ITFG1: variants seen among roughly 807,000 people sequenced by gnomAD.
The protein encoded by ITFG1 is integrin alpha FG-GAP repeat containing 1.
In ITFG1, 34 loss-of-function variants were observed where a neutral mutation model predicts 81.8. The observed-to-expected ratio is 0.42, with a 90% CI of 0.32 to 0.55. The LOEUF (loss-of-function observed/expected upper bound fraction) is 0.55, where lower values mean the gene tolerates loss of function less well. Ranked by LOEUF, ITFG1 falls within the 20% of genes least tolerant of loss-of-function variation. ITFG1 has a pLI of 0.17. For missense variants in ITFG1, 672 were observed against 755.4 expected (o/e 0.89, Z 1.29); for synonymous variants, 285 against 270.6 (o/e 1.05, Z -0.52).
intron 10 of ITFG1, among the ~76,000 whole-genome samples, chr16:47,275,985 T>C (rs1266860532): frequency 2.0e-5 from 3 of 152,092 alleles, no homozygotes; most frequent in African/African-American, 7.2e-5. Flanking sequence ...ATAAAAAGAA[T>C]GTATGGTCAT....
rs1967255323 is a variant in ITFG1, at chr16:47,311,265, C to T, written c.1045G>A (p.Val349Ile). The T allele has an allele frequency of 6.2e-7, 1 of 1,611,466 alleles. No homozygotes were observed. Among genetic ancestry groups the T allele is most frequent in the South Asian group, 1.1e-5 (1 of 90,682 alleles). Residue 349 changes from valine to isoleucine, a missense_variant, in exon 10 of 18, where the codon GTC (valine) becomes ATC (isoleucine). This residue lies in a region of ITFG1 where 560 missense variants were observed against 625.7 expected (regional missense o/e 0.90). Coordinates refer to ENST00000320640, the MANE Select transcript of ITFG1 (RefSeq NM_030790.5). ...CTTCCAGATGTGTTCTTTAGTATGA[C>T]CAGAGCGTCTGGATAGCCATCCATA... The part of the protein sequence containing the change: ...YNMDGYPDAL[V>I]ILKNTSGSNQ...
At chr16:47,352,000 A>C (rs1967965229) in intron 8 of ITFG1, among the ~76,000 whole-genome samples, 1 of 152,234 alleles carries the variant, frequency 6.6e-6, no homozygotes, top group Admixed American at 6.5e-5. Flanking sequence ...AAAACTGGCT[A>C]GCCATATGTA....
chr16:47,326,447 C>G (rs1967544905), intron 8 of ITFG1, among the ~76,000 whole-genome samples: 1 of 152,214 alleles, frequency 6.6e-6, no homozygotes, highest in South Asian at 2.1e-4. Flanking sequence ...CACTAATATT[C>G]AAAATAGTGT....
At chr16:47,315,988 G>T (rs533908320) in intron 8 of ITFG1, among the ~76,000 whole-genome samples, 2 of 151,810 alleles carry the variant, frequency 1.3e-5, no homozygotes, top group African/African-American at 2.4e-5. Context: ...TCCGAGTTTC[G>T]CCATGTTGTC....
chr16:47,388,780 C>T (rs187194429), intron 6 of ITFG1, among the ~76,000 whole-genome samples: 2 of 152,150 alleles, frequency 1.3e-5, no homozygotes, highest in East Asian at 3.9e-4. Context: ...AAGTGTGACC[C>T]CGTCTTACAC....
intron 14 of ITFG1, among the ~76,000 whole-genome samples, chr16:47,212,078 G>A (rs1018904622): frequency 2.7e-5 from 4 of 150,902 alleles, no homozygotes; most frequent in African/African-American, 9.7e-5. Context: ...CATGATTTTT[G>A]TATTTATATT....
chr16:47,327,388 G>A (rs2151571798), intron 8 of ITFG1, among the ~76,000 whole-genome samples: 1 of 152,188 alleles, frequency 6.6e-6, no homozygotes, highest in East Asian at 1.9e-4. Context: ...GAAAACCTAG[G>A]CAATACCATT....
intron 6 of ITFG1, among the ~76,000 whole-genome samples, chr16:47,421,549 C>T (rs747535269): frequency 9.9e-5 from 15 of 152,210 alleles, no homozygotes; most frequent in African/African-American, 1.7e-4. Flanking sequence ...ATGATCCGCC[C>T]GCCTTGGCCT....
At chr16:47,241,068 TAA>T (rs59986645) in intron 12 of ITFG1, among the ~76,000 whole-genome samples, 10 of 135,106 alleles carry the variant, frequency 7.4e-5, no homozygotes, top group African/African-American at 1.6e-4. Context: ...GTTAAGATGG[TAA>T]AAAAAAAAAA....
chr16:47,196,554 G>A (rs967018444), intron 14 of ITFG1: 3 of 152,180 alleles, frequency 2.0e-5, no homozygotes, highest in Non-Finnish European at 4.4e-5. Flanking sequence ...TGGGCCACAG[G>A]AAACCTGAAA....
At chr16:47,231,846 T>C (rs1476971010) in intron 13 of ITFG1, among the ~76,000 whole-genome samples, 1 of 152,214 alleles carries the variant, frequency 6.6e-6, no homozygotes, top group Non-Finnish European at 1.5e-5. Context: ...GCCTGCTGAA[T>C]ATACTGCCAA....
rs150954449 is a variant in ITFG1, at chr16:47,353,080, G to A, written c.802+12708C>T. 5.9e-5 allele frequency among the ~76,000 whole-genome samples: 9 copies of A among 151,952 alleles called. No homozygotes were observed. The East Asian group carries it at 1.6e-3, about 26-fold the overall frequency. ...GTTGTGGGGTAGGGTGAGGGGGGAGGGATAGCATTAGTAGATATACCTAAT... is the reference window on the plus strand; with the variant it reads ...GTTGTGGGGTAGGGTGAGGGGGGAGAGATAGCATTAGTAGATATACCTAAT... On this transcript the variant is annotated intron_variant, in intron 8 of 17. Coordinates refer to ENST00000320640, the MANE Select transcript of ITFG1 (RefSeq NM_030790.5).
intron 6 of ITFG1, among the ~76,000 whole-genome samples, chr16:47,389,964 C>T (rs1396311561): frequency 6.6e-6 from 1 of 152,184 alleles, no homozygotes; most frequent in African/African-American, 2.4e-5. Flanking sequence ...GTGAATTAAA[C>T]AAGTTCACCA....
chr16:47,444,982 C>G (rs1021430734), intron 5 of ITFG1, among the ~76,000 whole-genome samples: 1 of 151,720 alleles, frequency 6.6e-6, no homozygotes, highest in Non-Finnish European at 1.5e-5. Flanking sequence ...AATGAAATGG[C>G]AAAGTCATTA....
chr16:47,331,747 GAAC>G (rs1967640074), intron 8 of ITFG1, among the ~76,000 whole-genome samples: 1 of 152,088 alleles, frequency 6.6e-6, no homozygotes, highest in South Asian at 2.1e-4. Context: ...AAAAATAAAA[GAAC>G]AGTCTCGTCA....
At chr16:47,179,803 C>T (rs910793307) in intron 14 of ITFG1, among the ~76,000 whole-genome samples, 1 of 152,156 alleles carries the variant, frequency 6.6e-6, no homozygotes, top group Non-Finnish European at 1.5e-5. Context: ...ATTTGTGAGG[C>T]TCCATGCTCA....
At chr16:47,317,306 T>C (rs1011222021) in intron 8 of ITFG1, among the ~76,000 whole-genome samples, 1 of 152,190 alleles carries the variant, frequency 6.6e-6, no homozygotes, top group Non-Finnish European at 1.5e-5. Flanking sequence ...AGTGTTATTG[T>C]TCTTGTCATA....
intron 6 of ITFG1, among the ~76,000 whole-genome samples, chr16:47,383,484 T>C (rs1167908720): frequency 6.6e-6 from 1 of 152,246 alleles, no homozygotes; most frequent in African/African-American, 2.4e-5. Flanking sequence ...TGCCTCATTA[T>C]AGATTTACAA....
chr16:47,295,681 T>C (rs1473839877), intron 10 of ITFG1, among the ~76,000 whole-genome samples: 1 of 152,224 alleles, frequency 6.6e-6, no homozygotes, highest in African/African-American at 2.4e-5. Context: ...TGATTGTATT[T>C]ATCTGAATCT....
Sources: allele counts gnomAD v4.1 joint callset (sites outside exome capture counted in the v4.1 genomes callset), GRCh38; gene constraint gnomAD v4.1.1; regional missense constraint gnomAD v4.1.1; transcripts MANE v1.5; gene names NCBI Gene and HGNC (gene_info 2026-07-23, HGNC 2026-07-21).